Variants in ADD2 observed in about 807,000 individuals in gnomAD.
ADD2 encodes adducin 2.
In ADD2, 23 loss-of-function variants were observed where a neutral mutation model predicts 83.0. The observed-to-expected ratio is 0.28, with a 90% CI of 0.20 to 0.39. ADD2 has a LOEUF of 0.39. ADD2 is among the 10% of genes least tolerant of loss of function. The pLI, the probability that ADD2 is intolerant of heterozygous loss-of-function variation, is 1.00. For synonymous variants in ADD2, 375 were observed against 375.4 expected, an observed-to-expected ratio of 1.00 and a Z score of 0.01; for missense variants, 758 against 944.9, an observed-to-expected ratio of 0.80 and a Z score of 2.59.
At chr2:70,671,650 G>T (rs1553367064) in intron 15 of ADD2, among the ~76,000 whole-genome samples, 1 of 152,220 alleles carries the variant, frequency 6.6e-6, no homozygotes, top group Non-Finnish European at 1.5e-5. Context: ...TGTGGAGACA[G>T]GTTGACAACA....
rs1010150424 is a variant in ADD2 at position 70,754,897 on chromosome 2, T to A, written c.-154+12989A>T. Among the ~76,000 whole-genome samples, 11 of 152,100 alleles carry A rather than the reference T, an allele frequency of 7.2e-5. 1 individual carries two copies. The South Asian group carries it at 1.5e-3, about 20-fold the overall frequency. The stretch of plus-strand genomic sequence containing the variant: ...ATACCTGCTAATCACCTTTTAATTA[T>A]CTATCTCCAACTCTACTTTTCCCAT... On this transcript the variant is annotated intron_variant, in intron 1 of 15. Transcript: ENST00000264436.
Position 70,767,959 on chromosome 2 carries a change from TG to T in ADD2, c.-228del. Reference sequence around the variant, plus strand: ...TTTGTTATTTTATGGGTTTGGGGGGTGGGGTGCGCTTAAAAAATCCACCCAG... The same window carrying T: ...TTTGTTATTTTATGGGTTTGGGGGGTGGGTGCGCTTAAAAAATCCACCCAG... On this transcript the variant is annotated 5_prime_UTR_variant, in exon 1 of 16. Coordinates refer to ENST00000264436, the MANE Select transcript of ADD2 (RefSeq NM_001617.4). The T allele has an allele frequency of 1.3e-6, 2 of 1,535,220 alleles. No individual in the cohort carries two copies. Among genetic ancestry groups the T allele is most frequent in the East Asian group, 4.9e-5 (2 of 40,826 alleles).
chr2:70,727,806 G>T (rs1673083558), intron 1 of ADD2, among the ~76,000 whole-genome samples: 1 of 152,016 alleles, frequency 6.6e-6, no homozygotes, highest in Non-Finnish European at 1.5e-5. Flanking sequence ...TGAAGCAGGA[G>T]AATTGCTTGA....
In ADD2 at chr2:70,713,078, C is replaced by T; in HGVS notation, c.-47G>A. The T allele has an allele frequency of 1.0e-6, 1 of 985,518 alleles. No homozygotes were observed. Among genetic ancestry groups the T allele is most frequent in the Non-Finnish European group, 1.2e-6 (1 of 830,026 alleles). The allele number at this position is 985,518 out of a possible 1,614,324, so 61.0% of individuals were successfully genotyped here. ...ACTGCTTACTTACCGGGAGGCTGGC[C>T]CAGCCCTGTCCAAGGCTCCTTCTGT... On this transcript the variant is annotated 5_prime_UTR_variant, in exon 2 of 16. Transcript: ENST00000264436.
In ADD2 at chr2:70,688,021, C is replaced by A; in HGVS notation, c.948+3G>T. The A allele has an allele frequency of 6.2e-7, 1 of 1,613,758 alleles. No individual in the cohort carries two copies. Among genetic ancestry groups the A allele is most frequent in the South Asian group, 1.1e-5 (1 of 91,034 alleles). On this transcript the variant is annotated splice_donor_region_variant and intron_variant, in intron 9 of 15. Transcript: ENST00000264436. ...GGCCCACTTTCCAGGAGAATTTGCT[C>A]ACCTGTATCTCACATGCAGCCTGCA... is the stretch of plus-strand genomic sequence containing the variant.
intron 1 of ADD2, among the ~76,000 whole-genome samples, chr2:70,754,538 T>C (rs1674673642): frequency 6.6e-6 from 1 of 151,736 alleles, no homozygotes; most frequent in Non-Finnish European, 1.5e-5. Context: ...TCCTTGTTAC[T>C]CTCCTCTACT....
At chr2:70,685,097 T>C (rs1553370308) in intron 9 of ADD2, among the ~76,000 whole-genome samples, 2 of 152,216 alleles carry the variant, frequency 1.3e-5, no homozygotes, top group East Asian at 1.9e-4. Context: ...CTGCACATTA[T>C]TATATTAGCA....
chr2:70,767,971 A>T lies in ADD2; in HGVS notation c.-239T>A, dbSNP rs918566540. ...TGGGTTTGGGGGGTGGGGTGCGCTT[A>T]AAAAATCCACCCAGCTAATCTGCAG... is the stretch of plus-strand genomic sequence containing the variant. On this transcript the variant is annotated 5_prime_UTR_variant, in exon 1 of 16. Transcript: ENST00000264436. 2 of 1,535,076 alleles carry T rather than the reference A, an allele frequency of 1.3e-6. No individual in the cohort carries two copies. Among genetic ancestry groups the T allele is most frequent in the Middle Eastern group, 1.7e-4 (1 of 5,974 alleles).
intron 1 of ADD2, among the ~76,000 whole-genome samples, chr2:70,739,530 G>C (rs1203160050): frequency 2.6e-5 from 4 of 152,292 alleles, no homozygotes; most frequent in African/African-American, 9.6e-5. Context: ...TCTTATTACT[G>C]TTATGTACCC....
At position 70,696,395 on chromosome 2, in the gene ADD2, A is replaced by G. The variant is rs1553372732; in HGVS notation, c.324T>C (p.Asn108=). Reference sequence around the variant, plus strand: ...CATTGATAGGCGTCATCATGGAGACATCTGCAGGGACAGTGCAGTTCTCTC... The same window carrying G: ...CATTGATAGGCGTCATCATGGAGACGTCTGCAGGGACAGTGCAGTTCTCTC... ...SHAVFPTSSM[N]VSMMTPINDL... is the part of the protein sequence containing the mutation. Residue 108 remains asparagine (N), a splice_region_variant and synonymous_variant, in exon 5 of 16, where the codon AAT becomes AAC. Transcript: ENST00000264436. 1 of 1,614,150 alleles carries G rather than the reference A, an allele frequency of 6.2e-7. No individual in the cohort carries two copies. Among genetic ancestry groups the G allele is most frequent in the Admixed American group, 1.7e-5 (1 of 60,018 alleles).
intron 2 of ADD2, among the ~76,000 whole-genome samples, chr2:70,707,917 C>T (rs897436150): frequency 2.6e-5 from 4 of 152,192 alleles, no homozygotes; most frequent in Admixed American, 1.3e-4. Context: ...TTGCCTGTGG[C>T]TGGCCAGTCC....
At chr2:70,737,470 C>T (rs1297653170) in intron 1 of ADD2, among the ~76,000 whole-genome samples, 1 of 150,068 alleles carries the variant, frequency 6.7e-6, no homozygotes, top group Non-Finnish European at 1.5e-5. Flanking sequence ...CAGACTATCG[C>T]AAGGACAAAA....
intron 1 of ADD2, among the ~76,000 whole-genome samples, chr2:70,715,987 A>C (rs1293644389): frequency 6.6e-6 from 1 of 151,906 alleles, no homozygotes; most frequent in Admixed American, 6.6e-5. Context: ...CCCTGCTAAA[A>C]ATCCATCTCT....
rs782635672 is a variant in ADD2, at chr2:70,767,874, CCAGA to C, written c.-154+8_-154+11del. ...CCAGGCAGCCCACCAGGCCCGCTCCCCAGACCCTTACCTCCTGCGCGGCATCTTA... is the reference window on the plus strand; with the variant it reads ...CCAGGCAGCCCACCAGGCCCGCTCCCCCCTTACCTCCTGCGCGGCATCTTA... On this transcript the variant is annotated splice_region_variant and intron_variant, in intron 1 of 15. Coordinates refer to ENST00000264436, the MANE Select transcript of ADD2 (RefSeq NM_001617.4). The C allele has an allele frequency of 6.5e-6, 10 of 1,535,968 alleles. No individual in the cohort carries two copies. The South Asian group carries it at 1.1e-4, about 16-fold the overall frequency.
At chr2:70,745,076 G>T (rs1486433308) in intron 1 of ADD2, among the ~76,000 whole-genome samples, 1 of 152,084 alleles carries the variant, frequency 6.6e-6, no homozygotes, top group African/African-American at 2.4e-5. Flanking sequence ...CTTGAGGTCA[G>T]GAGATCGAGA....
At position 70,676,389 on chromosome 2, in the gene ADD2, G is replaced by A; in HGVS notation, c.1593+407C>T. ...CATCTTTCCAGAGCTCTGGTTGGAT[G>A]ATGTCATACCAGGCTCAGAGGTCAG... On this transcript the variant is annotated intron_variant, in intron 13 of 15. Coordinates refer to ENST00000264436, the MANE Select transcript of ADD2 (RefSeq NM_001617.4). This position sits in a 1 kb window ranked among gnomAD's most constrained non-coding sequence, Gnocchi z 4.8. The A allele has an allele frequency of 8.8e-7, 1 of 1,130,030 alleles. No individual in the cohort carries two copies. The highest frequency in any genetic ancestry group is 1.1e-6 in the Non-Finnish European group (1 of 920,810). 70.0% of individuals were successfully genotyped at this position (1,130,030 alleles called of 1,614,324 possible). A position where few individuals can be genotyped will look rare whatever the true frequency, so the allele number is the denominator to read the frequency against.
intron 15 of ADD2, among the ~76,000 whole-genome samples, chr2:70,664,730 A>G (rs535816725): frequency 6.8e-6 from 1 of 148,082 alleles, no homozygotes; most frequent in African/African-American, 2.6e-5. Flanking sequence ...AGTGTGTGTG[A>G]GTGTGCAAGT....
At chr2:70,712,127 T>C (rs1478864901) in intron 2 of ADD2, among the ~76,000 whole-genome samples, 1 of 152,166 alleles carries the variant, frequency 6.6e-6, no homozygotes, top group Middle Eastern at 3.2e-3. Context: ...AGGTCGATAT[T>C]ATTGTTCCAG....
chr2:70,720,003 T>G (rs1672655638), intron 1 of ADD2, among the ~76,000 whole-genome samples: 1 of 148,954 alleles, frequency 6.7e-6, no homozygotes, highest in Admixed American at 6.7e-5. Context: ...TATCCTTTTT[T>G]GTCTAATAGA....
Sources: allele counts gnomAD v4.1 joint callset (sites outside exome capture counted in the v4.1 genomes callset), GRCh38; gene constraint gnomAD v4.1.1; non-coding constraint Gnocchi (gnomAD v3.1); transcripts MANE v1.5; gene names NCBI Gene and HGNC (gene_info 2026-07-23, HGNC 2026-07-21).